The following IGFL4 variants were observed in gnomAD, a reference collection of about 807,000 sequenced individuals.
The protein encoded by IGFL4 is IGF like family member 4, also known as insulin growth factor-like family member 4.
In IGFL4, 12 loss-of-function variants were observed where a neutral mutation model predicts 15.4. The ratio of observed to expected loss-of-function variants is 0.78; its 90% CI spans 0.50 to 1.26. The LOEUF (loss-of-function observed/expected upper bound fraction) is 1.26, where lower values mean the gene tolerates loss of function less well. Ranked by LOEUF, IGFL4 falls within the 50% of genes most tolerant of loss-of-function variation. The probability of loss-of-function intolerance (pLI) is 0.00; values close to 1 mark genes in which losing one functional copy is unlikely to be tolerated. For synonymous variants in IGFL4, 54 were observed against 55.9 expected (o/e 0.97, Z 0.16); for missense variants, 126 against 147.8 (o/e 0.85, Z 0.76).
At chr19:46,071,628 C>G (rs1319039577) in intron 1 of IGFL4, among the ~76,000 whole-genome samples, 1 of 152,158 alleles carries the variant, frequency 6.6e-6, no homozygotes, top group Non-Finnish European at 1.5e-5. Flanking sequence ...ATCATGGACA[C>G]CAGCAGAATG....
At chr19:46,048,874 C>T (rs911445057) in intron 2 of IGFL4, among the ~76,000 whole-genome samples, 4 of 152,132 alleles carry the variant, frequency 2.6e-5, no homozygotes, top group African/African-American at 9.7e-5. Flanking sequence ...ATGCTATTCC[C>T]ATTAAACTAC....
At chr19:46,067,900 G>A (rs1969509946) in intron 1 of IGFL4, among the ~76,000 whole-genome samples, 1 of 151,972 alleles carries the variant, frequency 6.6e-6, no homozygotes, top group African/African-American at 2.4e-5. Context: ...ACCCAGGTGT[G>A]GATTCACCTG....
chr19:46,065,296 T>C (rs1969483565), intron 1 of IGFL4, among the ~76,000 whole-genome samples: 1 of 140,158 alleles, frequency 7.1e-6, no homozygotes, highest in South Asian at 2.4e-4. Context: ...TTGTTTCCTT[T>C]GCTGTGCAGA....
chr19:46,073,849 A>G (rs1255239938), intron 1 of IGFL4, among the ~76,000 whole-genome samples: 7 of 152,224 alleles, frequency 4.6e-5, no homozygotes, highest in Admixed American at 4.6e-4. Context: ...GGTCAGAATG[A>G]CTGAAAGTAT....
intron 2 of IGFL4, among the ~76,000 whole-genome samples, chr19:46,055,140 C>T (rs1408382545): frequency 6.6e-6 from 1 of 152,222 alleles, no homozygotes; most frequent in Non-Finnish European, 1.5e-5. Context: ...CAAATTAGTT[C>T]TGCCAGGCTC....
intron 1 of IGFL4, among the ~76,000 whole-genome samples, chr19:46,071,873 A>G (rs1271581906): frequency 6.6e-6 from 1 of 152,202 alleles, no homozygotes; most frequent in East Asian, 1.9e-4. Context: ...AAAATAAAAA[A>G]TTAGCCAGGC....
intron 1 of IGFL4, among the ~76,000 whole-genome samples, chr19:46,065,285 A>G (rs1178369838): frequency 1.3e-5 from 2 of 149,700 alleles, no homozygotes; most frequent in Admixed American, 6.7e-5. Flanking sequence ...CACTTCATTG[A>G]TTGTTTCCTT....
intron 1 of IGFL4, chr19:46,062,752 C>T (rs549426880): frequency 6.6e-6 from 1 of 152,334 alleles, no homozygotes; most frequent in East Asian, 1.9e-4. Context: ...GAAAGACTCA[C>T]CCATTGCAGC....
chr19:46,055,383 C>A (rs944534797), intron 2 of IGFL4, among the ~76,000 whole-genome samples: 2 of 152,102 alleles, frequency 1.3e-5, no homozygotes, highest in African/African-American at 2.4e-5. Flanking sequence ...TGCCACCAGG[C>A]TAATCTTCAG....
At chr19:46,077,613 T>C (rs560048362), upstream of IGFL4, among the ~76,000 whole-genome samples, 2 of 152,308 alleles carry the variant, frequency 1.3e-5, no homozygotes, top group Non-Finnish European at 2.9e-5. The surrounding 1 kb of genome is among the most constrained non-coding windows in gnomAD (Gnocchi z 5.4). Flanking sequence ...GACAGAAACA[T>C]GGCGACTACT....
intron 2 of IGFL4, chr19:46,058,514 C>T (rs4500862): frequency 0.019 from 2,887 of 152,482 alleles, 55 homozygotes; most frequent in East Asian, 0.074. Context: ...CCTCTCCTCA[C>T]AGCCCCACTA....
At position 46,050,830 on chromosome 19, in the gene IGFL4, ACTCAT is replaced by A. The variant is rs1969339200; in HGVS notation, c.-323+9350_-323+9354del. Among the ~76,000 whole-genome samples the A allele has an allele frequency of 4.6e-5, 7 of 152,188 alleles. No homozygotes were observed. The South Asian group carries it at 1.5e-3, about 32-fold the overall frequency. ...AAGAAGCTCAACGGACACCTGGGAAACTCATCACAAAAAGATCATCACCCAGGCAC... is the reference window on the plus strand; with the variant it reads ...AAGAAGCTCAACGGACACCTGGGAAACACAAAAAGATCATCACCCAGGCAC... On this transcript the variant is annotated intron_variant, in intron 2 of 5. Coordinates refer to the IGFL4 transcript ENST00000601672.
chr19:46,044,833 A>T (rs1214016554), upstream of IGFL4, among the ~76,000 whole-genome samples: 1 of 152,072 alleles, frequency 6.6e-6, no homozygotes, highest in Non-Finnish European at 1.5e-5. Context: ...GGAAAAACGG[A>T]GGCAACCAGG....
intron 1 of IGFL4, among the ~76,000 whole-genome samples, chr19:46,075,597 A>G (rs1426591701): frequency 2.6e-5 from 4 of 152,208 alleles, no homozygotes; most frequent in Non-Finnish European, 5.9e-5. Flanking sequence ...TACCATTTCT[A>G]TCACATCCTA....
chr19:46,053,793 C>A (rs759527629), intron 2 of IGFL4, among the ~76,000 whole-genome samples: 1 of 152,048 alleles, frequency 6.6e-6, no homozygotes, highest in Admixed American at 6.6e-5. Flanking sequence ...TATTTTTTAT[C>A]TTTTTGATAA....
intron 1 of IGFL4, among the ~76,000 whole-genome samples, chr19:46,070,345 A>G (rs1969534468): frequency 6.6e-6 from 1 of 152,206 alleles, no homozygotes; most frequent in Admixed American, 6.5e-5. Context: ...GTTCGGAATC[A>G]TAGGGGAACA....
chr19:46,045,197 C>T (rs1243141028), upstream of IGFL4, among the ~76,000 whole-genome samples: 4 of 152,098 alleles, frequency 2.6e-5, no homozygotes, highest in Non-Finnish European at 5.9e-5. Context: ...TTAATCCCAG[C>T]ACTTTGGGAG....
chr19:46,068,566 T>A (rs1969516596), intron 1 of IGFL4, among the ~76,000 whole-genome samples: 1 of 152,186 alleles, frequency 6.6e-6, no homozygotes, highest in Non-Finnish European at 1.5e-5. Context: ...ATTTTGGGGA[T>A]CCCAAAGCCC....
chr19:46,049,469 T>C (rs189652338), intron 2 of IGFL4, among the ~76,000 whole-genome samples: 252 of 152,256 alleles, frequency 1.7e-3, no homozygotes, highest in Non-Finnish European at 2.4e-3. Context: ...GTGGGCTGCA[T>C]GGGAGCTGGG....
Sources: allele counts gnomAD v4.1 joint callset (sites outside exome capture counted in the v4.1 genomes callset), GRCh38; gene constraint gnomAD v4.1.1; non-coding constraint Gnocchi (gnomAD v3.1); transcripts MANE v1.5; gene names NCBI Gene and HGNC (gene_info 2026-07-23, HGNC 2026-07-21).